The following PYY variants were observed in gnomAD, a reference collection of about 807,000 sequenced individuals.
PYY encodes the protein peptide YY, also known as peptide tyrosine tyrosine.
In PYY, 12 loss-of-function variants were observed where a neutral mutation model predicts 10.3. The observed-to-expected ratio is 1.17, with a 90% confidence interval of 0.75 to 1.89. PYY has a LOEUF of 1.89. PYY is among the 40% of genes most tolerant of loss of function. The pLI is 0.00. For synonymous variants in PYY, 66 were observed against 62.0 expected, an observed-to-expected ratio of 1.06 and a Z score of -0.30; for missense variants, 141 against 134.0, an observed-to-expected ratio of 1.05 and a Z score of -0.26.
exon 2 of PYY, chr17:43,966,333 C>T (rs1322921714): frequency 6.5e-6 from 1 of 153,204 alleles, no homozygotes; most frequent in Non-Finnish European, 1.5e-5. Flanking sequence ...CCAGGGACCT[C>T]CAGCTCCATG....
At chr17:43,976,127 ATG>A (rs1176972788) in intron 1 of PYY, among the ~76,000 whole-genome samples, 1 of 117,310 alleles carries the variant, frequency 8.5e-6, no homozygotes, top group African/African-American at 3.2e-5. Context: ...ATACGTATAT[ATG>A]TATACATATA....
intron 1 of PYY, among the ~76,000 whole-genome samples, chr17:43,997,338 C>T (rs1037722571): frequency 4.6e-5 from 7 of 152,126 alleles, no homozygotes; most frequent in Non-Finnish European, 8.8e-5. Context: ...TGCGCCTGGC[C>T]GGGTGTTCCA....
rs1023563462 is a variant in PYY, at chr17:43,987,958, TCA to T, written c.-463+16431_-463+16432del. Among the ~76,000 whole-genome samples, 10 of 152,192 alleles carry T rather than the reference TCA, an allele frequency of 6.6e-5. No individual in the cohort carries two copies. Among genetic ancestry groups the T allele is most frequent in the African/African-American group, 2.4e-4 (10 of 41,440 alleles). On this transcript the variant is annotated intron_variant, in intron 1 of 6. Coordinates refer to the PYY transcript ENST00000360085. This position sits in a 1 kb window ranked among gnomAD's most constrained non-coding sequence, Gnocchi z 4.0. Reference sequence around the variant, plus strand: ...TGTCCAGTCCCCACGCCGGAAGTCCTCACAGCAGTCTGCTCTGCATCCCTCCT... The same window carrying T: ...TGTCCAGTCCCCACGCCGGAAGTCCTCAGCAGTCTGCTCTGCATCCCTCCT...
At chr17:44,003,986 C>T (rs914238720) in intron 1 of PYY, among the ~76,000 whole-genome samples, 6 of 152,004 alleles carry the variant, frequency 3.9e-5, no homozygotes, top group Admixed American at 2.6e-4. Context: ...GAGTGAGACC[C>T]TATCTCAAAA....
In PYY at chr17:43,952,877, C is replaced by A; in HGVS notation, c.*79G>T. On this transcript the variant is annotated 3_prime_UTR_variant, in exon 4 of 4. Coordinates refer to ENST00000692052, the MANE Select transcript of PYY (RefSeq NM_001394028.1). ...AGACGCCGCCGTCGGGAGGCAGAAT[C>A]CGGGTTTCTGGGGTCGGGAGTGCGT... 1 of 1,437,134 alleles carries A rather than the reference C, an allele frequency of 7.0e-7. No homozygotes were observed. The allele number at this position is 1,437,134 out of a possible 1,614,324, so 89.0% of individuals were successfully genotyped here. A position where few individuals can be genotyped will look rare whatever the true frequency, so the allele number is the denominator to read the frequency against.
At chr17:44,000,594 T>G (rs2049019398) in intron 1 of PYY, among the ~76,000 whole-genome samples, 3 of 132,082 alleles carry the variant, frequency 2.3e-5, no homozygotes, top group Admixed American at 8.4e-5. Flanking sequence ...TGAGACTGAG[T>G]CTTGCTCTGT....
At chr17:43,960,522 G>T (rs2143898431) in intron 2 of PYY, among the ~76,000 whole-genome samples, 1 of 77,462 alleles carries the variant, frequency 1.3e-5, no homozygotes, top group East Asian at 5.1e-4. Context: ...ACGAGAGTGA[G>T]ACTTTGTCTC....
At chr17:43,977,011 C>T (rs1597852243) in intron 1 of PYY, among the ~76,000 whole-genome samples, 1 of 152,124 alleles carries the variant, frequency 6.6e-6, no homozygotes, top group African/African-American at 2.4e-5. Context: ...CCACAATTCT[C>T]ACCAACTCCC....
At chr17:43,972,176 A>ATTTATTTTAT (rs372620054) in intron 1 of PYY, among the ~76,000 whole-genome samples, 2 of 142,132 alleles carry the variant, frequency 1.4e-5, no homozygotes, top group East Asian at 2.0e-4. Flanking sequence ...TTAGTTATTT[A>ATTTATTTTAT]TTTATTTTAT....
chr17:43,985,584 A>T (rs1362116637), intron 1 of PYY, among the ~76,000 whole-genome samples: 2 of 152,228 alleles, frequency 1.3e-5, no homozygotes, highest in African/African-American at 4.8e-5. Flanking sequence ...AACAGGCCTC[A>T]CAGGAGGCTG....
In PYY at chr17:43,985,885, AT is replaced by A. The variant is rs372856666; in HGVS notation, c.-463+18505del. 3.9e-5 allele frequency among the ~76,000 whole-genome samples: 6 copies of A among 152,360 alleles called. 1 individual carries two copies. The highest frequency in any genetic ancestry group is 1.9e-4 in the East Asian group (1 of 5,196). On this transcript the variant is annotated intron_variant, in intron 1 of 6. Transcript: ENST00000360085. ...ATGGGGGAAAGCAGAATACAAAAAA[AT>A]ACCTATATATAATAATTCCAATTTC...
At chr17:43,971,682 T>A (rs989301670) in intron 1 of PYY, among the ~76,000 whole-genome samples, 10 of 148,778 alleles carry the variant, frequency 6.7e-5, no homozygotes, top group African/African-American at 2.2e-4. Context: ...TTCATGTGGT[T>A]TTTTTTTTTT....
At chr17:43,963,617 A>AGAAAGAAAGAAAGAAAGAAAGAAAGAAG (rs2048732472) in intron 2 of PYY, among the ~76,000 whole-genome samples, 6 of 77,570 alleles carry the variant, frequency 7.7e-5, no homozygotes, top group Admixed American at 7.6e-4. Flanking sequence ...AAAGAAAGAA[A>AGAAAGAAAGAAAGAAAGAAAGAAAGAAG]GAAAGAAAGA....
At chr17:43,991,557 T>C (rs2048956999) in intron 1 of PYY, among the ~76,000 whole-genome samples, 1 of 152,210 alleles carries the variant, frequency 6.6e-6, no homozygotes, top group Non-Finnish European at 1.5e-5. Context: ...GCTTTTTTTC[T>C]TCCTTTTGCT....
upstream of PYY, among the ~76,000 whole-genome samples, chr17:43,956,949 C>T (rs972859596): frequency 5.3e-5 from 8 of 152,152 alleles, no homozygotes; most frequent in Non-Finnish European, 1.0e-4. Flanking sequence ...CCTGTAATCC[C>T]AGCACTTTGG....
At chr17:43,954,183 C>T (rs1014974784), upstream of PYY, among the ~76,000 whole-genome samples, 1 of 152,172 alleles carries the variant, frequency 6.6e-6, no homozygotes, top group Non-Finnish European at 1.5e-5. Flanking sequence ...CATGTTCACC[C>T]CACAGCCCCC....
intron 2 of PYY, among the ~76,000 whole-genome samples, chr17:43,963,608 AAGAAAGAAAGAAAGAAAG>A (rs1157223192): frequency 0.036 from 3,514 of 96,494 alleles, 80 homozygotes; most frequent in Middle Eastern, 0.056. Flanking sequence ...GAAAGAAAGA[AAGAAAGAAAGAAAGAAAG>A]AGAAAGAAAG....
intron 1 of PYY, among the ~76,000 whole-genome samples, chr17:43,993,877 A>G (rs1567937977): frequency 6.6e-6 from 1 of 151,850 alleles, no homozygotes; most frequent in Non-Finnish European, 1.5e-5. Context: ...ATTTTGAGAC[A>G]GGGTCCTGCT....
chr17:43,970,593 C>A (rs1394667235), intron 1 of PYY, among the ~76,000 whole-genome samples: 2 of 151,966 alleles, frequency 1.3e-5, no homozygotes, highest in Non-Finnish European at 2.9e-5. Context: ...CAGAAATAGA[C>A]CCATGCAAAT....
Sources: allele counts gnomAD v4.1 joint callset (sites outside exome capture counted in the v4.1 genomes callset), GRCh38; gene constraint gnomAD v4.1.1; non-coding constraint Gnocchi (gnomAD v3.1); transcripts MANE v1.5; gene names NCBI Gene and HGNC (gene_info 2026-07-23, HGNC 2026-07-21).